Variants in FGF12 observed in about 807,000 individuals in gnomAD.
FGF12 encodes the protein fibroblast growth factor 12B.
FGF12 carries 14 observed loss-of-function variants against 23.6 expected under a neutral mutation model. That is an observed-to-expected ratio of 0.59 (90% CI 0.39 to 0.93). FGF12 has a LOEUF of 0.93. Ranked by LOEUF, FGF12 falls within the 40% of genes least tolerant of loss-of-function variation. The probability of loss-of-function intolerance (pLI) is 0.00; values close to 1 mark genes in which losing one functional copy is unlikely to be tolerated. For synonymous variants in FGF12, 62 were observed against 77.3 expected (o/e 0.80, Z 1.04); for missense variants, 175 against 217.8 (o/e 0.80, Z 1.24).
chr3:192,332,426 T>C (rs1717170678), intron 4 of FGF12, among the ~76,000 whole-genome samples: 1 of 151,762 alleles, frequency 6.6e-6, no homozygotes, highest in Admixed American at 6.6e-5. Flanking sequence ...AAAAGGAAAT[T>C]TAAAAAAATA....
In FGF12 at chr3:192,142,823, C is replaced by A. The variant is rs1005144252; in HGVS notation, c.*1186G>T. ...AAACTGGACTTGTAACAGGATCATACATAGAGCAACAAATTAGCTACTGGC... is the reference window on the plus strand; with the variant it reads ...AAACTGGACTTGTAACAGGATCATAAATAGAGCAACAAATTAGCTACTGGC... On this transcript the variant is annotated 3_prime_UTR_variant, in exon 6 of 6. Coordinates refer to ENST00000445105, the MANE Select transcript of FGF12 (RefSeq NM_004113.6). 1.3e-5 allele frequency: 2 copies of A among 152,012 alleles called. No homozygotes were observed. The highest frequency in any genetic ancestry group is 2.9e-5 in the Non-Finnish European group (2 of 67,962). The allele number at this position is 152,012 out of a possible 1,614,324, so 9.4% of individuals were successfully genotyped here.
chr3:192,154,485 G>A (rs1714236896), intron 5 of FGF12, among the ~76,000 whole-genome samples: 1 of 141,536 alleles, frequency 7.1e-6, no homozygotes, highest in Non-Finnish European at 1.6e-5. Flanking sequence ...TATACAGATG[G>A]GTTTTCGGTG....
At chr3:192,525,788 T>G (rs1271579324) in intron 2 of FGF12, among the ~76,000 whole-genome samples, 1 of 152,346 alleles carries the variant, frequency 6.6e-6, no homozygotes, top group East Asian at 1.9e-4. Flanking sequence ...CTTTTCTATT[T>G]TTTTTGAGTC....
At chr3:192,555,804 A>G (rs1364178287) in intron 2 of FGF12, among the ~76,000 whole-genome samples, 4 of 148,016 alleles carry the variant, frequency 2.7e-5, no homozygotes, top group African/African-American at 9.8e-5. Context: ...ATCTCGGGGA[A>G]AAAAAAAAAA....
intron 2 of FGF12, among the ~76,000 whole-genome samples, chr3:192,554,846 T>G (rs1711695929): frequency 6.6e-6 from 1 of 152,084 alleles, no homozygotes; most frequent in South Asian, 2.1e-4. Flanking sequence ...TAAAATATTT[T>G]TAAACACCCA....
At chr3:192,460,423 G>A (rs1576995741) in intron 2 of FGF12, among the ~76,000 whole-genome samples, 3 of 152,102 alleles carry the variant, frequency 2.0e-5, no homozygotes, top group South Asian at 2.1e-4. Context: ...GAATGGCAGC[G>A]AAGTTCAGGA....
chr3:192,380,273 G>A (rs1332643922), intron 2 of FGF12, among the ~76,000 whole-genome samples: 1 of 152,138 alleles, frequency 6.6e-6, no homozygotes, highest in African/African-American at 2.4e-5. Flanking sequence ...TATTTCATCT[G>A]TTTGCTTAAT....
intron 5 of FGF12, among the ~76,000 whole-genome samples, chr3:192,146,688 T>G (rs1713744924): frequency 6.6e-6 from 1 of 152,166 alleles, no homozygotes; most frequent in South Asian, 2.1e-4. Context: ...TCTTTTTTTT[T>G]GTTTTGTTTT....
chr3:192,483,559 A>G (rs1432693562), intron 2 of FGF12, among the ~76,000 whole-genome samples: 1 of 152,214 alleles, frequency 6.6e-6, no homozygotes, highest in Admixed American at 6.5e-5. Context: ...AGTTCAATAA[A>G]TAAACGAAAA....
rs144231225 is a variant in FGF12 at position 192,592,056 on chromosome 3, GA to G, written c.13+135124del. On this transcript the variant is annotated intron_variant, in intron 2 of 5. Coordinates refer to ENST00000445105, the MANE Select transcript of FGF12 (RefSeq NM_004113.6). ...GCAATACAAATAGGTTAGGCAGGGG[GA>G]AAAAAAAATCTCTATTAGGACAAGT... Among the ~76,000 whole-genome samples the G allele has an allele frequency of 7.0e-4, 105 of 150,768 alleles. 1 individual carries two copies. Among genetic ancestry groups the G allele is most frequent in the Non-Finnish European group, 1.2e-3 (81 of 67,544 alleles).
intron 2 of FGF12, among the ~76,000 whole-genome samples, chr3:192,373,737 G>C (rs1719348350): frequency 6.6e-6 from 1 of 152,166 alleles, no homozygotes; most frequent in Admixed American, 6.6e-5. Context: ...CACTGTGACT[G>C]ATAATGATGG....
chr3:192,385,458 T>C (rs1407017275), intron 2 of FGF12, among the ~76,000 whole-genome samples: 1 of 152,180 alleles, frequency 6.6e-6, no homozygotes, highest in East Asian at 1.9e-4. Flanking sequence ...ATTGGATATT[T>C]AGTTCTGCTA....
chr3:192,633,053 G>T (rs912870762), intron 2 of FGF12, among the ~76,000 whole-genome samples: 1 of 152,004 alleles, frequency 6.6e-6, no homozygotes. Flanking sequence ...GTTGTGTTGT[G>T]TTTGTTTGTT....
At chr3:192,338,477 A>C (rs1419608574) in intron 3 of FGF12, among the ~76,000 whole-genome samples, 1 of 152,194 alleles carries the variant, frequency 6.6e-6, no homozygotes, top group South Asian at 2.1e-4. Flanking sequence ...AATGAGATGT[A>C]AGTCATCACA....
intron 2 of FGF12, among the ~76,000 whole-genome samples, chr3:192,475,224 G>T (rs1259129357): frequency 6.6e-6 from 1 of 152,212 alleles, no homozygotes; most frequent in African/African-American, 2.4e-5. Flanking sequence ...AAAGAATGAT[G>T]ATGCTCTTGA....
intron 2 of FGF12, chr3:192,533,951 TC>T (rs1725161384): frequency 6.6e-6 from 1 of 152,002 alleles, no homozygotes; most frequent in Admixed American, 6.5e-5. Context: ...GTGTCCTATC[TC>T]TATTCCTCTT....
chr3:192,191,923 G>A (rs1716815530), intron 4 of FGF12, among the ~76,000 whole-genome samples: 1 of 152,118 alleles, frequency 6.6e-6, no homozygotes, highest in African/African-American at 2.4e-5. Flanking sequence ...TAGGGGAAAG[G>A]TTCCCCAGAA....
chr3:192,556,842 G>A (rs1036706864), intron 2 of FGF12, among the ~76,000 whole-genome samples: 1 of 151,982 alleles, frequency 6.6e-6, no homozygotes, highest in Admixed American at 6.5e-5. Context: ...AAAATTATAC[G>A]AAGTATCTTT....
chr3:192,493,439 TTTA>T, intron 2 of FGF12, among the ~76,000 whole-genome samples: 1 of 152,158 alleles, frequency 6.6e-6, no homozygotes, highest in East Asian at 1.9e-4. Flanking sequence ...TGCTAAGGGT[TTTA>T]TTATTTTATA....
Sources: allele counts gnomAD v4.1 joint callset (sites outside exome capture counted in the v4.1 genomes callset), GRCh38; gene constraint gnomAD v4.1.1; transcripts MANE v1.5; gene names NCBI Gene and HGNC (gene_info 2026-07-23, HGNC 2026-07-21).